TMEM59L: variants seen among roughly 807,000 people sequenced by gnomAD.
TMEM59L encodes the protein transmembrane protein 59 like.
TMEM59L carries 31 observed loss-of-function variants against 39.6 expected under a neutral mutation model. The observed-to-expected ratio is 0.78, with a 90% CI of 0.59 to 1.06. TMEM59L has a LOEUF of 1.06. Among genes scored for constraint, TMEM59L ranks in the 50% least tolerant of loss-of-function variants. The probability of loss-of-function intolerance (pLI) is 0.00; values close to 1 mark genes in which losing one functional copy is unlikely to be tolerated. For synonymous variants in TMEM59L, 219 were observed against 202.9 expected, an observed-to-expected ratio of 1.08 and a Z score of -0.68; for missense variants, 441 against 451.3, an observed-to-expected ratio of 0.98 and a Z score of 0.21.
chr19:18,617,806 T>C (rs1568447258), intron 5 of TMEM59L: 1 of 404,230 alleles, frequency 2.5e-6, no homozygotes, highest in African/African-American at 2.2e-5. Flanking sequence ...TGGGTTCATC[T>C]CCTAAGGGTC....
chr19:18,619,879 G>A lies in TMEM59L; in HGVS notation c.901-529G>A, dbSNP rs539026600. Reference sequence around the variant, plus strand: ...TATGATCCCAGCTACTTAGGAAGCTGAGGTGGGAGGATCACTTGAGCCTGA... The same window carrying A: ...TATGATCCCAGCTACTTAGGAAGCTAAGGTGGGAGGATCACTTGAGCCTGA... On this transcript the variant is annotated intron_variant, in intron 7 of 7. Coordinates refer to ENST00000262817, the MANE Select transcript of TMEM59L (RefSeq NM_012109.3). Among the ~76,000 whole-genome samples the A allele has an allele frequency of 5.3e-5, 8 of 151,710 alleles. No homozygotes were observed. The South Asian group carries it at 8.3e-4, about 16-fold the overall frequency.
intron 5 of TMEM59L, chr19:18,617,561 A>T: frequency 2.2e-6 from 1 of 457,110 alleles, no homozygotes; most frequent in Non-Finnish European, 4.4e-6. Flanking sequence ...TTCATCTCTC[A>T]GAGTTCCATG....
intron 4 of TMEM59L, 78 bp from the exon 5 acceptor site, chr19:18,616,922 G>A: frequency 9.2e-7 from 1 of 1,086,386 alleles, no homozygotes; most frequent in Non-Finnish European, 1.3e-6. Context: ...CGTGGGACAT[G>A]GCAGTCACAG....
intron 1 of TMEM59L, among the ~76,000 whole-genome samples, chr19:18,613,627 T>A (rs1976394292): frequency 6.6e-6 from 1 of 151,998 alleles, no homozygotes; most frequent in South Asian, 2.1e-4. Flanking sequence ...TGGAACCTAG[T>A]GGGGGGAAGG....
intron 4 of TMEM59L, among the ~76,000 whole-genome samples, chr19:18,616,741 G>A (rs1380794659): frequency 6.6e-6 from 1 of 152,186 alleles, no homozygotes; most frequent in African/African-American, 2.4e-5. Context: ...GGCCCTGGCT[G>A]GATCATATGA....
chr19:18,617,398 G>A (rs760096047), intron 5 of TMEM59L: 120 of 522,590 alleles, frequency 2.3e-4, no homozygotes, highest in African/African-American at 2.1e-3. Flanking sequence ...GGGTTCCGTG[G>A]CCCACCTCCC....
chr19:18,612,922 G>A lies in TMEM59L; in HGVS notation c.-37G>A, dbSNP rs922655881. The stretch of plus-strand genomic sequence containing the variant: ...GCTGCATCCTCCGTGCCCGGCCTGA[G>A]CTGGAGTCCCCCGCGCCCCCCGCGT... On this transcript the variant is annotated 5_prime_UTR_variant, in exon 1 of 8. Coordinates refer to ENST00000262817, the MANE Select transcript of TMEM59L (RefSeq NM_012109.3). This position sits in a 1 kb window ranked among gnomAD's most constrained non-coding sequence, Gnocchi z 6.2. 2 of 1,282,906 alleles carry A rather than the reference G, an allele frequency of 1.6e-6. No individual in the cohort carries two copies. Among genetic ancestry groups the A allele is most frequent in the African/African-American group, 1.5e-5 (1 of 64,766 alleles). The allele number at this position is 1,282,906 out of a possible 1,614,324, so 79.5% of individuals were successfully genotyped here. A position where few individuals can be genotyped will look rare whatever the true frequency, so the allele number is the denominator to read the frequency against.
At position 18,616,119 on chromosome 19, in the gene TMEM59L, G is replaced by T. The variant is rs1374450968; in HGVS notation, c.553G>T (p.Val185Leu). ...GCAGACTGACAATGGGAAAGTGGTG[G>T]TGTTTCAGGTGAGACCTCTGACAGG... ...YLQTDNGKVVVFQTQPIVESL... is the reference protein window; with the variant it reads ...YLQTDNGKVVLFQTQPIVESL... Residue 185 changes from valine to leucine, a missense_variant, in exon 4 of 8, where the codon GTG (valine) becomes TTG (leucine). By Grantham distance (32) the Val-to-Leu change is conservative. Transcript: ENST00000262817. 3 of 1,613,970 alleles carry T rather than the reference G, an allele frequency of 1.9e-6. No individual in the cohort carries two copies. Among genetic ancestry groups the T allele is most frequent in the Non-Finnish European group, 2.5e-6 (3 of 1,179,942 alleles).
chr19:18,619,729 A>C (rs1378545353), intron 7 of TMEM59L, among the ~76,000 whole-genome samples: 2 of 150,720 alleles, frequency 1.3e-5, no homozygotes, highest in African/African-American at 4.9e-5. Flanking sequence ...GCGTGAACCC[A>C]GGAGGAGGAG....
Position 18,614,122 on chromosome 19 carries a change from T to A in TMEM59L, c.335T>A (p.Val112Glu), listed in dbSNP as rs754072363. The A allele has an allele frequency of 2.5e-6, 4 of 1,611,698 alleles. No individual in the cohort carries two copies. The highest frequency in any genetic ancestry group is 1.6e-4 in the Middle Eastern group (1 of 6,078). ...CCCACAGCCTGCGTGGAAGCCTATG[T>A]GAAGGAGGCAGAGCAGCAGGCCTGT... is the stretch of plus-strand genomic sequence containing the variant. ...ECEAACVEAY[V>E]KEAEQQACSH... is the part of the protein sequence containing the mutation. Residue 112 changes from valine (V) to glutamate (E), a missense_variant, in exon 3 of 8, where the codon GTG (valine) becomes GAG (glutamate). Coordinates refer to ENST00000262817, the MANE Select transcript of TMEM59L (RefSeq NM_012109.3).
At chr19:18,619,465 G>A (rs1976469663) in intron 7 of TMEM59L, among the ~76,000 whole-genome samples, 1 of 152,204 alleles carries the variant, frequency 6.6e-6, no homozygotes, top group African/African-American at 2.4e-5. Flanking sequence ...GGTGCCCAGA[G>A]CCTGGGCAAC....
intron 3 of TMEM59L, 125 bp downstream of exon 3, chr19:18,614,320 G>A (rs369242953): frequency 9.2e-7 from 1 of 1,082,614 alleles, no homozygotes; most frequent in South Asian, 1.5e-5. Context: ...GGCCTGCAGG[G>A]CAACCTCCAT....
chr19:18,616,172 G>A (rs1033006825), intron 4 of TMEM59L, 45 bp downstream of exon 4: 2 of 1,609,094 alleles, frequency 1.2e-6, no homozygotes, highest in Admixed American at 1.7e-5. Context: ...AGATGGGTGG[G>A]CAGGGTAAGA....
chr19:18,613,190 C>T (rs1206891764), intron 1 of TMEM59L, 61 bp downstream of exon 1: 3 of 1,183,184 alleles, frequency 2.5e-6, no homozygotes, highest in Non-Finnish European at 3.1e-6. Context: ...AAGGAGGAGG[C>T]GTTGGGATGG....
intron 5 of TMEM59L, 70 bp from the exon 6 acceptor site, chr19:18,618,085 C>T: frequency 8.1e-7 from 1 of 1,227,498 alleles, no homozygotes; most frequent in Non-Finnish European, 1.2e-6. Context: ...GACCTCCTCC[C>T]TCCTGGTCAT....
At chr19:18,617,814 G>A (rs1976448236) in intron 5 of TMEM59L, 1 of 397,120 alleles carries the variant, frequency 2.5e-6, no homozygotes, top group South Asian at 2.1e-5. Flanking sequence ...TCTCCTAAGG[G>A]TCATCTCCTA....
chr19:18,613,280 A>G (rs1976390288), intron 1 of TMEM59L, 151 bp downstream of exon 1: 6 of 876,260 alleles, frequency 6.8e-6, no homozygotes, highest in Non-Finnish European at 9.1e-6. Flanking sequence ...AGATCTCTCC[A>G]GTAGTTGACG....
At chr19:18,614,465 T>A (rs1035891490) in intron 3 of TMEM59L, among the ~76,000 whole-genome samples, 2 of 152,254 alleles carry the variant, frequency 1.3e-5, no homozygotes, top group Non-Finnish European at 2.9e-5. Context: ...GACTTCAACC[T>A]GTCCCAAATG....
chr19:18,617,250 T>TTCCCAGGGTTCCATGGTCCACC, intron 5 of TMEM59L, 148 bp downstream of exon 5: 1 of 703,382 alleles, frequency 1.4e-6, no homozygotes, highest in Non-Finnish European at 2.6e-6. Context: ...CATGGTCTAT[T>TTCCCAGGGTTCCATGGTCCACC]TCCCAGGGTT....
Sources: gnomAD v4.1 joint callset for allele counts (sites outside exome capture counted in the v4.1 genomes callset) on GRCh38, gnomAD v4.1.1 for gene constraint, Gnocchi (gnomAD v3.1) non-coding constraint, MANE v1.5 for transcripts, NCBI Gene and HGNC (gene_info 2026-07-23, HGNC 2026-07-21) for gene names.